The following POC5 variants were observed in gnomAD, a reference collection of about 807,000 sequenced individuals.
POC5 encodes centrosomal protein POC5.
A neutral mutation model predicts 62.9 loss-of-function variants in POC5; 48 were observed. The observed-to-expected ratio is 0.76, with a 90% CI of 0.61 to 0.97. POC5 has a LOEUF of 0.97. Ranked by LOEUF, POC5 falls within the 50% of genes least tolerant of loss-of-function variation. The probability of loss-of-function intolerance (pLI) is 0.00; values close to 1 mark genes in which losing one functional copy is unlikely to be tolerated. For synonymous variants in POC5, 236 were observed against 228.2 expected (o/e 1.03, Z -0.31); for missense variants, 696 against 679.5 (o/e 1.02, Z -0.27).
At chr5:75,713,473 T>C (rs10474445) in intron 1 of POC5, among the ~76,000 whole-genome samples, 18,775 of 152,212 alleles carry the variant, frequency 0.12, 1,506 homozygotes, top group East Asian at 0.36. Context: ...AAAGAACAAA[T>C]AGTGACTATT....
intron 3 of POC5, among the ~76,000 whole-genome samples, chr5:75,706,524 G>C (rs1367158601): frequency 6.6e-6 from 1 of 151,764 alleles, no homozygotes; most frequent in Admixed American, 6.6e-5. Flanking sequence ...TTAAATCCCA[G>C]ATGATTACCT....
At chr5:75,682,517 CTTT>C (rs3041691) in intron 10 of POC5, among the ~76,000 whole-genome samples, 1 of 134,678 alleles carries the variant, frequency 7.4e-6, no homozygotes. Flanking sequence ...TTATTTCTTT[CTTT>C]TTTTTTTTTT....
At chr5:75,680,661 A>T (rs1034427617) in intron 10 of POC5, among the ~76,000 whole-genome samples, 7 of 152,162 alleles carry the variant, frequency 4.6e-5, no homozygotes, top group African/African-American at 1.2e-4. Context: ...AATAATTCAT[A>T]AAGATAAATT....
At chr5:75,679,809 A>G (rs1489930963) in intron 10 of POC5, among the ~76,000 whole-genome samples, 1 of 152,202 alleles carries the variant, frequency 6.6e-6, no homozygotes, top group African/African-American at 2.4e-5. Flanking sequence ...AAGTCCTCTT[A>G]TCTGTAATAA....
Position 75,705,808 on chromosome 5 carries a change from T to C in POC5, c.224-21A>G, listed in dbSNP as rs529138871. Reference sequence around the variant, plus strand: ...ATTTCCTGCCAAAAAGAAAGCTTTTTAAAATTAAACTGAACCACTCTTAAA... The same window carrying C: ...ATTTCCTGCCAAAAAGAAAGCTTTTCAAAATTAAACTGAACCACTCTTAAA... On this transcript the variant is annotated intron_variant, in intron 3 of 11. Transcript: ENST00000428202. The C allele has an allele frequency of 4.8e-6, 7 of 1,461,042 alleles. No individual in the cohort carries two copies. The Admixed American group carries it at 9.1e-5, about 19-fold the overall frequency. 90.5% of individuals were successfully genotyped at this position (1,461,042 alleles called of 1,614,324 possible). A position where few individuals can be genotyped will look rare whatever the true frequency, so the allele number is the denominator to read the frequency against.
rs746986549 is a variant in POC5 at position 75,689,066 on chromosome 5, C to G, written c.1075G>C (p.Val359Leu). The G allele has an allele frequency of 5.0e-6, 8 of 1,605,978 alleles. No homozygotes were observed. In the African/African-American group the frequency reaches 5.3e-5, roughly 11 times the overall value. Residue 359 changes from valine to leucine, a missense_variant, in exon 9 of 12, where the codon GTA becomes CTA. Physicochemically the swap from Val to Leu is conservative, Grantham distance 32. Transcript: ENST00000428202. ...ATGGCTTCAAGATTTAATGCACATA[C>G]ACCCCTCATGAAAGCTTTTTTCATG... ...DSMKKAFMRGVCALNLEAMTI... is the reference protein window; with the variant it reads ...DSMKKAFMRGLCALNLEAMTI...
At chr5:75,706,925 A>C (rs1777144795) in intron 3 of POC5, among the ~76,000 whole-genome samples, 1 of 152,172 alleles carries the variant, frequency 6.6e-6, no homozygotes, top group Non-Finnish European at 1.5e-5. Flanking sequence ...AACAGTGAAA[A>C]ATCCACGTCT....
chr5:75,677,807 T>G lies in POC5; in HGVS notation c.1551A>C (p.Ser517=). 1 of 1,611,338 alleles carries G rather than the reference T, an allele frequency of 6.2e-7. No homozygotes were observed. The change falls in exon 11 of 12, where the codon TCA becomes TCC. Residue 517 remains serine, a synonymous_variant. Coordinates refer to ENST00000428202, the MANE Select transcript of POC5 (RefSeq NM_001099271.2). ...CTGGATGATGTTTTTCCACAACAAC[T>G]GAGCTCATGGGAGGAGAAACTCCCA... ...AIMGVSPPMS[S]VVVEKHHPVT...
chr5:75,694,260 C>A (rs932172610), intron 6 of POC5, among the ~76,000 whole-genome samples: 1 of 152,022 alleles, frequency 6.6e-6, no homozygotes, highest in Admixed American at 6.6e-5. Context: ...AGATAATGCT[C>A]GTTCCTTCAC....
intron 5 of POC5, among the ~76,000 whole-genome samples, chr5:75,699,790 AGAC>A (rs1460318907): frequency 1.4e-5 from 2 of 141,294 alleles, no homozygotes; most frequent in African/African-American, 5.1e-5. Flanking sequence ...CCCTGTTTGC[AGAC>A]GACATGATTG....
At position 75,701,421 on chromosome 5, in the gene POC5, G is replaced by A. The variant is rs1026801140; in HGVS notation, c.513+1184C>T. Among the ~76,000 whole-genome samples, 3 of 134,018 alleles carry A rather than the reference G, an allele frequency of 2.2e-5. 1 individual carries two copies. Among genetic ancestry groups the A allele is most frequent in the Non-Finnish European group, 5.0e-5 (3 of 60,282 alleles). The allele number at this position is 134,018 out of a possible 152,430, so 87.9% of individuals were successfully genotyped here. On this transcript the variant is annotated intron_variant, in intron 5 of 11. Transcript: ENST00000428202. ...AATGATGAGTTCATGTCCTTTGTAG[G>A]GACATGGATGAAACTGGAAATCATC...
At chr5:75,677,219 G>A (rs1300241958) in intron 11 of POC5, among the ~76,000 whole-genome samples, 2 of 152,024 alleles carry the variant, frequency 1.3e-5, no homozygotes, top group African/African-American at 2.4e-5. Flanking sequence ...GCACTAACTC[G>A]GGTTTTAAAA....
intron 11 of POC5, 148 bp downstream of exon 11, chr5:75,677,621 TAAAAA>T: frequency 2.6e-6 from 1 of 390,588 alleles, no homozygotes; most frequent in Non-Finnish European, 4.2e-6. Flanking sequence ...GTATATATAT[TAAAAA>T]AAAAAAAAAA....
Position 75,705,789 on chromosome 5 carries a change from T to G in POC5, c.224-2A>C. 1 of 1,527,154 alleles carries G rather than the reference T, an allele frequency of 6.5e-7. No homozygotes were observed. Among genetic ancestry groups the G allele is most frequent in the Non-Finnish European group, 8.8e-7 (1 of 1,137,708 alleles). The allele number at this position is 1,527,154 out of a possible 1,614,324, so 94.6% of individuals were successfully genotyped here. ...TTTCTCTTACTTCAGAGTTATTTCC[T>G]GCCAAAAAGAAAGCTTTTTAAAATT... On this transcript the variant is annotated splice_acceptor_variant, in intron 3 of 11. Coordinates refer to ENST00000428202, the MANE Select transcript of POC5 (RefSeq NM_001099271.2). LOFTEE classifies it high-confidence loss of function.
chr5:75,678,393 A>G (rs1775755085), intron 10 of POC5, among the ~76,000 whole-genome samples: 2 of 152,008 alleles, frequency 1.3e-5, no homozygotes, highest in African/African-American at 4.8e-5. Context: ...GTTAACTATC[A>G]CTCAATCAAG....
intron 1 of POC5, among the ~76,000 whole-genome samples, chr5:75,713,594 A>G (rs1230536974): frequency 6.6e-6 from 1 of 152,222 alleles, no homozygotes. Flanking sequence ...TGTATATTAT[A>G]TAAGTGACCG....
At chr5:75,703,121 C>T (rs1056115213) in intron 4 of POC5, among the ~76,000 whole-genome samples, 3 of 152,122 alleles carry the variant, frequency 2.0e-5, no homozygotes, top group Non-Finnish European at 4.4e-5. Flanking sequence ...TGTATCATAT[C>T]ACCATTAATG....
rs184621511 is a variant in POC5, at chr5:75,712,845, T to G, written c.84+9A>C. 1.8e-4 allele frequency: 283 copies of G among 1,589,394 alleles called. 4 individuals are homozygous for G. The African/African-American group carries it at 3.2e-3, about 18-fold the overall frequency. On this transcript the variant is annotated intron_variant, in intron 2 of 11. Transcript: ENST00000428202. ...AAAAGTCATGGTAAATTTAGAAATT[T>G]TTTCCTACCTGAAGATTCGAAGAGA... is the stretch of plus-strand genomic sequence containing the variant.
intron 2 of POC5, among the ~76,000 whole-genome samples, chr5:75,708,841 CT>C (rs544465124): frequency 6.6e-6 from 1 of 151,184 alleles, no homozygotes; most frequent in Admixed American, 6.6e-5. Context: ...TTTTTTTCTT[CT>C]TTTTTTTTGA....
Sources: gnomAD v4.1 joint callset for allele counts (sites outside exome capture counted in the v4.1 genomes callset) on GRCh38, gnomAD v4.1.1 for gene constraint, MANE v1.5 for transcripts, NCBI Gene and HGNC (gene_info 2026-07-23, HGNC 2026-07-21) for gene names.